Variants in TTLL5 observed in about 807,000 individuals in gnomAD.
The protein encoded by TTLL5 is tubulin tyrosine ligase like 5, also known as tubulin polyglutamylase TTLL5.
A neutral mutation model predicts 168.4 loss-of-function variants in TTLL5; 132 were observed. The observed-to-expected ratio is 0.78, with a 90% CI of 0.68 to 0.91. The LOEUF (loss-of-function observed/expected upper bound fraction) is 0.91. TTLL5 is among the 40% of genes least tolerant of loss of function. The pLI is 0.00. For synonymous variants in TTLL5, 546 were observed against 558.6 expected (o/e 0.98, Z 0.32); for missense variants, 1,545 against 1,581.5 (o/e 0.98, Z 0.39).
chr14:75,842,803 T>G (rs1306012479), intron 28 of TTLL5, among the ~76,000 whole-genome samples: 1 of 152,182 alleles, frequency 6.6e-6, no homozygotes, highest in African/African-American at 2.4e-5. Context: ...ACACTCTTCC[T>G]GTAAACCCAG....
At chr14:75,858,101 G>T (rs1897225984) in intron 28 of TTLL5, among the ~76,000 whole-genome samples, 1 of 152,140 alleles carries the variant, frequency 6.6e-6, no homozygotes, top group African/African-American at 2.4e-5. Flanking sequence ...TTGGACCTGG[G>T]GGCTGCGGAG....
At chr14:75,818,157 T>G (rs1894581732) in intron 27 of TTLL5, among the ~76,000 whole-genome samples, 1 of 152,054 alleles carries the variant, frequency 6.6e-6, no homozygotes, top group Non-Finnish European at 1.5e-5. Context: ...CTTTTCTGAT[T>G]CCACTACCAC....
chr14:75,699,306 C>G, intron 7 of TTLL5, 36 bp downstream of exon 7: 1 of 1,548,184 alleles, frequency 6.5e-7, no homozygotes, highest in Non-Finnish European at 8.9e-7. Context: ...TCTCTCCTCA[C>G]TTGTTCTTTC....
intron 28 of TTLL5, among the ~76,000 whole-genome samples, chr14:75,848,291 G>A (rs1896665062): frequency 6.6e-6 from 1 of 152,146 alleles, no homozygotes; most frequent in East Asian, 1.9e-4. Flanking sequence ...TGTGCACTAG[G>A]TTTGAACCCA....
At chr14:75,677,470 A>G (rs1884261800) in intron 3 of TTLL5, among the ~76,000 whole-genome samples, 1 of 137,394 alleles carries the variant, frequency 7.3e-6, no homozygotes, top group Non-Finnish European at 1.5e-5. Context: ...ATCATGACTC[A>G]CTGCAGCCTT....
At chr14:75,744,358 T>G (rs1230963646) in intron 15 of TTLL5, 1 of 152,262 alleles carries the variant, frequency 6.6e-6, no homozygotes, top group African/African-American at 2.4e-5. Context: ...TCAAAATCAC[T>G]TAAAACTTGT....
intron 27 of TTLL5, among the ~76,000 whole-genome samples, chr14:75,815,035 GA>G (rs997273995): frequency 2.0e-5 from 3 of 152,178 alleles, no homozygotes; most frequent in African/African-American, 7.2e-5. Flanking sequence ...GCTACTTGGA[GA>G]AATGTGTAAA....
chr14:75,727,287 C>T (rs964845282), intron 12 of TTLL5, among the ~76,000 whole-genome samples: 3 of 152,052 alleles, frequency 2.0e-5, no homozygotes, highest in African/African-American at 4.8e-5. Flanking sequence ...GGAAACAATC[C>T]AAATGTCCAT....
chr14:75,749,514 A>G (rs895184045), intron 17 of TTLL5, among the ~76,000 whole-genome samples: 9 of 152,158 alleles, frequency 5.9e-5, no homozygotes, highest in African/African-American at 2.2e-4. Context: ...TTATATTCCT[A>G]TTGTAAGCAA....
intron 30 of TTLL5, among the ~76,000 whole-genome samples, chr14:75,892,607 A>G (rs912759289): frequency 1.3e-5 from 2 of 152,168 alleles, no homozygotes; most frequent in African/African-American, 4.8e-5. Context: ...GCATCCTGCA[A>G]AGCGCAGAAC....
At chr14:75,881,358 CTT>C (rs1290034193) in intron 29 of TTLL5, among the ~76,000 whole-genome samples, 1 of 152,164 alleles carries the variant, frequency 6.6e-6, no homozygotes, top group Non-Finnish European at 1.5e-5. Context: ...TCTGAAATCT[CTT>C]TGTTCTTTGT....
At chr14:75,922,862 A>G (rs897795537) in intron 31 of TTLL5, among the ~76,000 whole-genome samples, 10 of 152,150 alleles carry the variant, frequency 6.6e-5, no homozygotes, top group African/African-American at 2.4e-4. Flanking sequence ...CAGGTCCTGG[A>G]CTTTTTTTGG....
At chr14:75,756,246 CATTT>C (rs1280368634) in intron 18 of TTLL5, among the ~76,000 whole-genome samples, 2 of 151,896 alleles carry the variant, frequency 1.3e-5, no homozygotes, top group Non-Finnish European at 2.9e-5. Context: ...ATCTACATTG[CATTT>C]GTCTCTTTAC....
intron 3 of TTLL5, among the ~76,000 whole-genome samples, chr14:75,669,885 A>C (rs1046745937): frequency 3.3e-5 from 5 of 152,162 alleles, no homozygotes; most frequent in Admixed American, 1.3e-4. Context: ...TCCAAAGTAC[A>C]GCCAATACCC....
chr14:75,846,386 ACTT>A (rs1276814763), intron 28 of TTLL5, among the ~76,000 whole-genome samples: 1 of 152,180 alleles, frequency 6.6e-6, no homozygotes, highest in African/African-American at 2.4e-5. Context: ...GTCAATCAAC[ACTT>A]CTTGTAAATG....
Position 75,874,180 on chromosome 14 carries a change from C to T in TTLL5, c.3523-8505C>T, listed in dbSNP as rs12590107. On this transcript the variant is annotated intron_variant, in intron 29 of 31. Transcript: ENST00000298832. Reference sequence around the variant, plus strand: ...GATCTGGGCTCACTGCAACCTCCACCTCCCAGGTTCACACCGTTCTCCTGC... The same window carrying T: ...GATCTGGGCTCACTGCAACCTCCACTTCCCAGGTTCACACCGTTCTCCTGC... Among the ~76,000 whole-genome samples the T allele has an allele frequency of 2.5e-3, 381 of 152,278 alleles. 5 individuals carry two copies. In the South Asian group the frequency reaches 0.037, roughly 15 times the overall value.
chr14:75,703,130 C>T (rs575238904), intron 7 of TTLL5, among the ~76,000 whole-genome samples: 1 of 152,144 alleles, frequency 6.6e-6, no homozygotes, highest in African/African-American at 2.4e-5. Context: ...TAGATTTAAG[C>T]AGGAGGGTGA....
At chr14:75,913,451 C>T (rs2033469387) in intron 31 of TTLL5, among the ~76,000 whole-genome samples, 1 of 152,084 alleles carries the variant, frequency 6.6e-6, no homozygotes, top group Admixed American at 6.6e-5. Context: ...CTTAACTGCT[C>T]CCTCTACTAA....
chr14:75,874,240 C>A (rs755261661), intron 29 of TTLL5, among the ~76,000 whole-genome samples: 1 of 152,086 alleles, frequency 6.6e-6, no homozygotes, highest in Non-Finnish European at 1.5e-5. Context: ...TATAGGCATG[C>A]GTCACCATGC....
Sources: allele counts gnomAD v4.1 joint callset (sites outside exome capture counted in the v4.1 genomes callset), GRCh38; gene constraint gnomAD v4.1.1; transcripts MANE v1.5; gene names NCBI Gene and HGNC (gene_info 2026-07-23, HGNC 2026-07-21).